Variants in CDKL1 observed in about 807,000 individuals in gnomAD.
CDKL1 encodes cyclin dependent kinase like 1, also known as cyclin-dependent kinase-like 1.
Under a neutral mutation model 42.0 loss-of-function variants are expected in CDKL1, and 41 were observed. That is an observed-to-expected ratio of 0.98 (90% CI 0.76 to 1.27). The LOEUF is 1.27. Among genes scored for constraint, CDKL1 ranks in the 50% most tolerant of loss-of-function variants. The probability of loss-of-function intolerance (pLI) is 0.00; values close to 1 mark genes in which losing one functional copy is unlikely to be tolerated. For missense variants in CDKL1, 394 were observed against 428.4 expected, an observed-to-expected ratio of 0.92 and a Z score of 0.71; for synonymous variants, 153 against 158.6, an observed-to-expected ratio of 0.96 and a Z score of 0.26.
intron 2 of CDKL1, among the ~76,000 whole-genome samples, chr14:50,361,944 G>A (rs1350620764): frequency 1.3e-5 from 2 of 152,390 alleles, no homozygotes; most frequent in African/African-American, 4.8e-5. Context: ...AGCTTGCAGG[G>A]AGGTGTGGAG....
At position 50,358,430 on chromosome 14, in the gene CDKL1, A is replaced by G. The variant is rs187340654; in HGVS notation, c.290+598T>C. Reference sequence around the variant, plus strand: ...TCCCTGGTCAGGCATAGACTAACTAATATCCTTCCTTTTCTTAGAGACTGA... The same window carrying G: ...TCCCTGGTCAGGCATAGACTAACTAGTATCCTTCCTTTTCTTAGAGACTGA... On this transcript the variant is annotated intron_variant, in intron 3 of 9. Coordinates refer to ENST00000395834, the MANE Select transcript of CDKL1 (RefSeq NM_004196.7). 7.6e-4 allele frequency among the ~76,000 whole-genome samples: 116 copies of G among 152,232 alleles called. 1 individual carries two copies. The highest frequency in any genetic ancestry group is 6.6e-4 in the Non-Finnish European group (45 of 68,010).
chr14:50,360,828 T>C (rs946484554), intron 2 of CDKL1, among the ~76,000 whole-genome samples: 7 of 116,058 alleles, frequency 6.0e-5, no homozygotes, highest in Non-Finnish European at 1.3e-4. Context: ...GTGTGTGTGA[T>C]TGGCTTAGTT....
At chr14:50,367,281 C>A (rs1403871624) in intron 2 of CDKL1, among the ~76,000 whole-genome samples, 1 of 152,164 alleles carries the variant, frequency 6.6e-6, no homozygotes, top group Non-Finnish European at 1.5e-5. Context: ...GGGTTGGGGT[C>A]GAGTGACCTT....
intron 2 of CDKL1, among the ~76,000 whole-genome samples, chr14:50,367,881 T>G (rs2034476431): frequency 6.6e-6 from 1 of 152,188 alleles, no homozygotes; most frequent in Non-Finnish European, 1.5e-5. Flanking sequence ...TGTACAAAAG[T>G]TTCCACTTTT....
chr14:50,343,278 C>G (rs1046295308), intron 4 of CDKL1, among the ~76,000 whole-genome samples: 7 of 150,234 alleles, frequency 4.7e-5, no homozygotes, highest in African/African-American at 1.7e-4. Context: ...CTGAGAGACC[C>G]TCTTTGGCCT....
intron 8 of CDKL1, chr14:50,333,844 A>T (rs1158824953): frequency 1.3e-5 from 2 of 151,600 alleles, no homozygotes; most frequent in Non-Finnish European, 2.9e-5. Context: ...CAAACATTTT[A>T]GTTGATACCA....
In CDKL1 at chr14:50,329,925, A is replaced by G. The variant is rs750661392; in HGVS notation, c.*149T>C. 2.1e-4 allele frequency: 194 copies of G among 911,312 alleles called. No individual in the cohort carries two copies. The highest frequency in any genetic ancestry group is 2.5e-4 in the Non-Finnish European group (161 of 633,678). 56.5% of individuals were successfully genotyped at this position (911,312 alleles called of 1,614,324 possible). ...AAGACTGGATCTGGAATTTCCCTTC[A>G]TATCTTGCCAGTTGGCCTCCCAGTT... On this transcript the variant is annotated 3_prime_UTR_variant, in exon 10 of 10. Transcript: ENST00000395834.
chr14:50,345,159 A>G, intron 3 of CDKL1, 101 bp from the exon 4 acceptor site: 1 of 1,000,732 alleles, frequency 1.0e-6, no homozygotes, highest in Non-Finnish European at 1.5e-6. Flanking sequence ...GTAGTGAAAA[A>G]TCTTAGGTGA....
At chr14:50,369,171 C>T (rs1226040074) in intron 2 of CDKL1, among the ~76,000 whole-genome samples, 1 of 152,074 alleles carries the variant, frequency 6.6e-6, no homozygotes, top group Non-Finnish European at 1.5e-5. Flanking sequence ...CCGGCCGCTA[C>T]CCTTAACCAG....
At chr14:50,373,520 G>C (rs1381578359) in intron 2 of CDKL1, among the ~76,000 whole-genome samples, 1 of 152,200 alleles carries the variant, frequency 6.6e-6, no homozygotes, top group East Asian at 1.9e-4. Flanking sequence ...TGGCCAATTA[G>C]AGTGCAAACT....
At position 50,332,388 on chromosome 14, in the gene CDKL1, C is replaced by A; in HGVS notation, c.840G>T (p.Gln280His). 6.2e-7 allele frequency: 1 copy of A among 1,614,176 alleles called. No individual in the cohort carries two copies. The highest frequency in any genetic ancestry group is 8.5e-7 in the Non-Finnish European group (1 of 1,180,024). The change falls in exon 9 of 10, where the codon CAG becomes CAT. Residue 280 changes from glutamine (Q) to histidine (H), a missense_variant. By Grantham distance (24) the Gln-to-His change is conservative (BLOSUM62 0). Transcript: ENST00000395834. ...TTTCAAAATATGGGTGATGCAACAG[C>A]TGTTCACATGTCAGCCTTTGAGTAG... ...MDPTQRLTCE[Q>H]LLHHPYFENI...
chr14:50,343,155 C>CTTT (rs3049935), intron 4 of CDKL1: 25,451 of 287,420 alleles, frequency 0.089, 307 homozygotes, highest in South Asian at 0.1. Context: ...TTAAGAGTTA[C>CTTT]TTTTTTTTTT....
intron 8 of CDKL1, 171 bp downstream of exon 8, chr14:50,334,394 C>A (rs1566572143): frequency 5.3e-5 from 31 of 582,654 alleles, no homozygotes; most frequent in Non-Finnish European, 6.2e-6. Flanking sequence ...GGTGATCTGC[C>A]TGCCTTGGCC....
At chr14:50,346,429 C>T (rs1175972098) in intron 3 of CDKL1, among the ~76,000 whole-genome samples, 1 of 151,674 alleles carries the variant, frequency 6.6e-6, no homozygotes, top group African/African-American at 2.4e-5. Flanking sequence ...TAAGATGAGA[C>T]ATTAGGGGGA....
intron 3 of CDKL1, among the ~76,000 whole-genome samples, chr14:50,349,736 TGTC>T (rs2033839195): frequency 8.7e-6 from 1 of 114,578 alleles, no homozygotes; most frequent in African/African-American, 4.1e-5. Flanking sequence ...TCTTCTCTCT[TGTC>T]TTTTTGTTGT....
At chr14:50,343,973 G>A (rs2033641613) in intron 4 of CDKL1, among the ~76,000 whole-genome samples, 1 of 152,188 alleles carries the variant, frequency 6.6e-6, no homozygotes, top group Non-Finnish European at 1.5e-5. Flanking sequence ...TATAAAGAAG[G>A]AGATTTAGCC....
chr14:50,339,212 G>C lies in CDKL1; in HGVS notation c.656-183C>G, dbSNP rs11570847. ...CCTGTATTGATCCCTACGGTGGACA[G>C]CACACTGTGTTAGGCACAGAGGAGG... is the stretch of plus-strand genomic sequence containing the variant. On this transcript the variant is annotated intron_variant, in intron 6 of 9. Coordinates refer to ENST00000395834, the MANE Select transcript of CDKL1 (RefSeq NM_004196.7). Among the ~76,000 whole-genome samples, 358 of 152,216 alleles carry C rather than the reference G, an allele frequency of 2.4e-3. 1 individual carries two copies. In the Middle Eastern group the frequency reaches 0.065, roughly 27 times the overall value.
intron 2 of CDKL1, among the ~76,000 whole-genome samples, chr14:50,366,583 C>A (rs1316975490): frequency 6.6e-6 from 1 of 152,202 alleles, no homozygotes; most frequent in African/African-American, 2.4e-5. Flanking sequence ...CTCACTACAG[C>A]AACAGGATAT....
chr14:50,340,276 G>A (rs1021317977), intron 6 of CDKL1, among the ~76,000 whole-genome samples: 4 of 152,188 alleles, frequency 2.6e-5, no homozygotes, highest in Non-Finnish European at 2.9e-5. Context: ...AATATAAGAC[G>A]TGGTCTCACC....
Sources: allele counts gnomAD v4.1 joint callset (sites outside exome capture counted in the v4.1 genomes callset), GRCh38; gene constraint gnomAD v4.1.1; transcripts MANE v1.5; gene names NCBI Gene and HGNC (gene_info 2026-07-23, HGNC 2026-07-21).